DDX39B: variants seen among roughly 807,000 people sequenced by gnomAD.
DDX39B encodes the protein DExD-box helicase 39B, also known as spliceosome RNA helicase DDX39B.
In DDX39B, 6 loss-of-function variants were observed where a neutral mutation model predicts 46.4. That is an observed-to-expected ratio of 0.13 (90% confidence interval 0.07 to 0.26). The LOEUF is 0.26. DDX39B is among the 10% of genes least tolerant of loss of function. DDX39B has a pLI of 1.00. For synonymous variants in DDX39B, 174 were observed against 199.4 expected (o/e 0.87, Z 1.07); for missense variants, 185 against 553.4 (o/e 0.33, Z 6.68).
chr6:31,538,647 T>C, intron 4 of DDX39B, 116 bp downstream of exon 4: 2 of 939,018 alleles, frequency 2.1e-6, no homozygotes, highest in South Asian at 3.4e-5. Flanking sequence ...CTCAACACTC[T>C]GTTACACCAC....
At chr6:31,539,636 G>C (rs1768172901) in intron 2 of DDX39B, among the ~76,000 whole-genome samples, 1 of 152,102 alleles carries the variant, frequency 6.6e-6, no homozygotes, top group Non-Finnish European at 1.5e-5. Flanking sequence ...CTCCTGCTTA[G>C]GTTGCTATAC....
chr6:31,537,720 G>A (rs1001148780), intron 4 of DDX39B, among the ~76,000 whole-genome samples: 6 of 152,068 alleles, frequency 3.9e-5, no homozygotes, highest in East Asian at 3.9e-4. Context: ...CTGTCACGAC[G>A]CTAATCCTAT....
At position 31,530,453 on chromosome 6, in the gene DDX39B, G is replaced by A; in HGVS notation, c.1271-3C>T. On this transcript the variant is annotated splice_polypyrimidine_tract_variant and splice_region_variant and intron_variant, in intron 10 of 10. Coordinates refer to ENST00000396172, the MANE Select transcript of DDX39B (RefSeq NM_004640.7). This position sits in a 1 kb window ranked among gnomAD's most constrained non-coding sequence, Gnocchi z 4.5. The stretch of plus-strand genomic sequence containing the variant: ...AGTCTTCTACCGTGTCTGTTCAACT[G>A]AGAAGAAAACGTAGCATGGTCAGAA... 4 of 1,611,062 alleles carry A rather than the reference G, an allele frequency of 2.5e-6. No individual in the cohort carries two copies. The highest frequency in any genetic ancestry group is 3.4e-6 in the Non-Finnish European group (4 of 1,179,026).
intron 6 of DDX39B, 98 bp from the exon 7 acceptor site, chr6:31,533,009 G>A (rs1306313767): frequency 3.4e-6 from 2 of 592,298 alleles, no homozygotes; most frequent in East Asian, 3.6e-5. Flanking sequence ...CACCCCATGG[G>A]GGGATGGGGA....
chr6:31,534,563 C>T lies in DDX39B; in HGVS notation c.735+804G>A. The T allele has an allele frequency of 2.1e-6, 1 of 466,982 alleles. No individual in the cohort carries two copies. Among genetic ancestry groups the T allele is most frequent in the South Asian group, 1.6e-5 (1 of 63,996 alleles). 28.9% of individuals were successfully genotyped at this position (466,982 alleles called of 1,614,324 possible). A position where few individuals can be genotyped will look rare whatever the true frequency, so the allele number is the denominator to read the frequency against. ...AAGAAAAAAAATCTACCACCCCATT[C>T]AGGACACCCCTCCCCAACACATATT... On this transcript the variant is annotated intron_variant, in intron 6 of 10. Coordinates refer to ENST00000396172, the MANE Select transcript of DDX39B (RefSeq NM_004640.7). This position sits in a 1 kb window ranked among gnomAD's most constrained non-coding sequence, Gnocchi z 5.1.
At position 31,535,586 on chromosome 6, in the gene DDX39B, T is replaced by C; in HGVS notation, c.617-101A>G. 2 of 864,250 alleles carry C rather than the reference T, an allele frequency of 2.3e-6. No homozygotes were observed. Among genetic ancestry groups the C allele is most frequent in the South Asian group, 1.6e-5 (1 of 64,306 alleles). 53.5% of individuals were successfully genotyped at this position (864,250 alleles called of 1,614,324 possible). A position where few individuals can be genotyped will look rare whatever the true frequency, so the allele number is the denominator to read the frequency against. On this transcript the variant is annotated intron_variant, in intron 5 of 10. Coordinates refer to ENST00000396172, the MANE Select transcript of DDX39B (RefSeq NM_004640.7). The surrounding 1 kb of genome is among the most constrained non-coding windows in gnomAD (Gnocchi z 4.6). ...GTGAGGTGAAGATTGCTGGAAATAGTAACAACACAATGGAAAGAGCAATGG... is the reference window on the plus strand; with the variant it reads ...GTGAGGTGAAGATTGCTGGAAATAGCAACAACACAATGGAAAGAGCAATGG...
At chr6:31,540,103 G>A (rs535484803) in intron 2 of DDX39B, among the ~76,000 whole-genome samples, 1 of 152,228 alleles carries the variant, frequency 6.6e-6, no homozygotes, top group South Asian at 2.1e-4. Flanking sequence ...CAGGAGTCTC[G>A]CTGTGTTGCC....
chr6:31,530,982 C>G lies in DDX39B; in HGVS notation c.1123-56G>C. 6.2e-7 allele frequency: 1 copy of G among 1,613,390 alleles called. No individual in the cohort carries two copies. Among genetic ancestry groups the G allele is most frequent in the South Asian group, 1.1e-5 (1 of 91,054 alleles). On this transcript the variant is annotated intron_variant, in intron 9 of 10. Transcript: ENST00000396172. This position sits in a 1 kb window ranked among gnomAD's most constrained non-coding sequence, Gnocchi z 4.5. ...ACCGAAGAGGAAAGAGACCCAGAGG[C>G]AGGAATGAAGATGTACAAACAGAAA...
chr6:31,535,552 G>C lies in DDX39B; in HGVS notation c.617-67C>G, dbSNP rs183952677. 1.6e-6 allele frequency: 2 copies of C among 1,274,542 alleles called. No homozygotes were observed. Among genetic ancestry groups the C allele is most frequent in the Non-Finnish European group, 2.3e-6 (2 of 883,692 alleles). The allele number at this position is 1,274,542 out of a possible 1,614,324, so 79.0% of individuals were successfully genotyped here. A position where few individuals can be genotyped will look rare whatever the true frequency, so the allele number is the denominator to read the frequency against. ...GTATGATAAACAAAGATTAGAGGTAGACTTCCCAGTGAGGTGAAGATTGCT... is the reference window on the plus strand; with the variant it reads ...GTATGATAAACAAAGATTAGAGGTACACTTCCCAGTGAGGTGAAGATTGCT... On this transcript the variant is annotated intron_variant, in intron 5 of 10. Transcript: ENST00000396172. This position sits in a 1 kb window ranked among gnomAD's most constrained non-coding sequence, Gnocchi z 4.6.
chr6:31,532,707 G>A (rs768421759), intron 7 of DDX39B, 73 bp downstream of exon 7: 135 of 1,557,524 alleles, frequency 8.7e-5, no homozygotes, highest in Non-Finnish European at 1.1e-4. Flanking sequence ...CAATAAAAGT[G>A]TACTTAATAT....
rs767519948 is a variant in DDX39B, at chr6:31,531,029, A to AT, written c.1122+23dup. Reference sequence around the variant, plus strand: ...GAAAACAAGGGAATGGGAGAGTGGGATTTTTTCAGCCTGTGAGGTTTACCC... The same window carrying AT: ...GAAAACAAGGGAATGGGAGAGTGGGATTTTTTTCAGCCTGTGAGGTTTACCC... On this transcript the variant is annotated intron_variant, in intron 9 of 10. Coordinates refer to ENST00000396172, the MANE Select transcript of DDX39B (RefSeq NM_004640.7). This position sits in a 1 kb window ranked among gnomAD's most constrained non-coding sequence, Gnocchi z 5.8. 3.7e-6 allele frequency: 6 copies of AT among 1,613,810 alleles called. No individual in the cohort carries two copies. Among genetic ancestry groups the AT allele is most frequent in the South Asian group, 2.2e-5 (2 of 91,078 alleles).
chr6:31,538,959 C>G (rs760677256), intron 3 of DDX39B, 104 bp from the exon 4 acceptor site: 11 of 1,482,562 alleles, frequency 7.4e-6, no homozygotes, highest in Non-Finnish European at 8.5e-6. Context: ...TAATAAATGA[C>G]TTCAATTATG....
At position 31,540,332 on chromosome 6, in the gene DDX39B, A is replaced by G. The variant is rs1055717899; in HGVS notation, c.201T>C (p.His67=). ...CAAGAGAAAATTTACCTTCTGACGGATGCTCAAAGCCACAGTCGACAATGG... is the reference window on the plus strand; with the variant it reads ...CAAGAGAAAATTTACCTTCTGACGGGTGCTCAAAGCCACAGTCGACAATGG... The part of the protein sequence containing the change: ...LRAIVDCGFE[H]PSEVQHECIP... The change falls in exon 2 of 11, where the codon CAT becomes CAC. Residue 67 remains histidine (H), a synonymous_variant. Coordinates refer to ENST00000396172, the MANE Select transcript of DDX39B (RefSeq NM_004640.7). The G allele has an allele frequency of 1.2e-6, 2 of 1,614,092 alleles. No homozygotes were observed. The highest frequency in any genetic ancestry group is 2.7e-5 in the African/African-American group (2 of 74,924).
At chr6:31,541,829 G>A (rs1768513643) in intron 1 of DDX39B, 121 bp downstream of exon 1, 10 of 650,860 alleles carry the variant, frequency 1.5e-5, no homozygotes, top group Non-Finnish European at 2.8e-6. Context: ...AGGAAATAGC[G>A]AACCAACTAG....
rs1382734306 is a variant in DDX39B at position 31,534,162 on chromosome 6, A to C, written c.735+1205T>G. The C allele has an allele frequency of 5.4e-6, 1 of 186,888 alleles. No individual in the cohort carries two copies. Among genetic ancestry groups the C allele is most frequent in the Non-Finnish European group, 1.1e-5 (1 of 88,040 alleles). 11.6% of individuals were successfully genotyped at this position (186,888 alleles called of 1,614,324 possible). On this transcript the variant is annotated intron_variant, in intron 6 of 10. Coordinates refer to ENST00000396172, the MANE Select transcript of DDX39B (RefSeq NM_004640.7). This position sits in a 1 kb window ranked among gnomAD's most constrained non-coding sequence, Gnocchi z 5.1. ...GTAGCTGGGACTACAGGCATGCGCC[A>C]CCACGCCCGGTTTTTCTGGTAGAGA...
intron 1 of DDX39B, chr6:31,541,495 A>T (rs1334599708): frequency 2.6e-6 from 1 of 387,930 alleles, no homozygotes; most frequent in Non-Finnish European, 5.3e-6. Flanking sequence ...AAGGCACTCC[A>T]AATTAAGTTG....
chr6:31,534,687 C>T lies in DDX39B; in HGVS notation c.735+680G>A, dbSNP rs1243863581. On this transcript the variant is annotated intron_variant, in intron 6 of 10. Coordinates refer to ENST00000396172, the MANE Select transcript of DDX39B (RefSeq NM_004640.7). The surrounding 1 kb of genome is among the most constrained non-coding windows in gnomAD (Gnocchi z 5.1). ...TCAGCTTCCTGGTCAGGTTTCCCCG[C>T]GGCCTCCGCTGCCGCCATCCACCGC... The T allele has an allele frequency of 5.6e-6, 2 of 355,720 alleles. No individual in the cohort carries two copies. The highest frequency in any genetic ancestry group is 1.1e-5 in the Non-Finnish European group (2 of 181,740). 22.0% of individuals were successfully genotyped at this position (355,720 alleles called of 1,614,324 possible).
Position 31,535,254 on chromosome 6 carries a change from G to T in DDX39B, c.735+113C>A. 9.7e-7 allele frequency: 1 copy of T among 1,026,268 alleles called. No homozygotes were observed. Among genetic ancestry groups the T allele is most frequent in the Non-Finnish European group, 1.5e-6 (1 of 655,188 alleles). 63.6% of individuals were successfully genotyped at this position (1,026,268 alleles called of 1,614,324 possible). On this transcript the variant is annotated intron_variant, in intron 6 of 10. Transcript: ENST00000396172. The surrounding 1 kb of genome is among the most constrained non-coding windows in gnomAD (Gnocchi z 4.6). ...TCAAGGAGTCATTACTCCCAGTTGG[G>T]CACAAGCCGCCTTCTTGGCACTTGA... is the stretch of plus-strand genomic sequence containing the variant.
chr6:31,541,968 T>C lies in DDX39B; in HGVS notation c.-151A>G. 3.0e-6 allele frequency: 2 copies of C among 674,162 alleles called. No individual in the cohort carries two copies. The highest frequency in any genetic ancestry group is 5.5e-6 in the Non-Finnish European group (2 of 364,142). The allele number at this position is 674,162 out of a possible 1,614,324, so 41.8% of individuals were successfully genotyped here. A position where few individuals can be genotyped will look rare whatever the true frequency, so the allele number is the denominator to read the frequency against. On this transcript the variant is annotated 5_prime_UTR_variant, in exon 1 of 11. In the 5' UTR this introduces an upstream ATG that the reference lacks. Coordinates refer to ENST00000396172, the MANE Select transcript of DDX39B (RefSeq NM_004640.7). ...AGCTTACCTAAACAGGGAGAGCGCG[T>C]ATGGCGGCAGCAACAGCGACGAAGG... is the stretch of plus-strand genomic sequence containing the variant.
Sources: gnomAD v4.1 joint callset for allele counts (sites outside exome capture counted in the v4.1 genomes callset) on GRCh38, gnomAD v4.1.1 for gene constraint, Gnocchi (gnomAD v3.1) non-coding constraint, MANE v1.5 for transcripts, NCBI Gene and HGNC (gene_info 2026-07-23, HGNC 2026-07-21) for gene names.